The following STAG1 variants were observed in gnomAD, a reference collection of about 807,000 sequenced individuals.
STAG1 encodes STAG1 cohesin complex component, also known as cohesin subunit SA-1.
A neutral mutation model predicts 170.9 loss-of-function variants in STAG1; 26 were observed. The ratio of observed to expected loss-of-function variants is 0.15; its 90% confidence interval spans 0.11 to 0.21. STAG1 has a LOEUF of 0.21. Ranked by LOEUF, STAG1 falls within the 10% of genes least tolerant of loss-of-function variation. The pLI, the probability that STAG1 is intolerant of heterozygous loss-of-function variation, is 1.00. For missense variants in STAG1, 964 were observed against 1,509.5 expected, an observed-to-expected ratio of 0.64 and a Z score of 5.99; for synonymous variants, 514 against 497.7, an observed-to-expected ratio of 1.03 and a Z score of -0.44.
At chr3:136,353,804 C>T (rs529400159) in intron 28 of STAG1, among the ~76,000 whole-genome samples, 1 of 152,262 alleles carries the variant, frequency 6.6e-6, no homozygotes, top group East Asian at 1.9e-4. Context: ...ACAAAGAGTG[C>T]CAGTAAAGGT....
At chr3:136,717,560 A>T (rs1296869157) in intron 1 of STAG1, among the ~76,000 whole-genome samples, 1 of 152,204 alleles carries the variant, frequency 6.6e-6, no homozygotes, top group Non-Finnish European at 1.5e-5. Context: ...GCTACGTGGG[A>T]GGCTGAGGCA....
intron 7 of STAG1, among the ~76,000 whole-genome samples, chr3:136,508,576 T>A (rs1933885492): frequency 6.6e-6 from 1 of 152,188 alleles, no homozygotes; most frequent in Admixed American, 6.5e-5. Context: ...TAGTCTCAGC[T>A]ACTGGGGAGG....
intron 1 of STAG1, among the ~76,000 whole-genome samples, chr3:136,731,629 G>GC (rs1934047268): frequency 6.6e-6 from 1 of 152,224 alleles, no homozygotes; most frequent in Non-Finnish European, 1.5e-5. Context: ...GTCTTCATAT[G>GC]CCCCTCCTTG....
intron 16 of STAG1, among the ~76,000 whole-genome samples, chr3:136,423,587 C>T (rs556638648): frequency 2.0e-5 from 3 of 152,332 alleles, no homozygotes; most frequent in Non-Finnish European, 4.4e-5. Context: ...ATTTAAGCTG[C>T]TAATGCTCAT....
chr3:136,505,653 AG>A (rs1933720808), intron 7 of STAG1, among the ~76,000 whole-genome samples: 1 of 152,256 alleles, frequency 6.6e-6, no homozygotes, highest in Non-Finnish European at 1.5e-5. Flanking sequence ...TAGTTATTAG[AG>A]ATACACAAGT....
At chr3:136,650,210 T>C (rs1328907693) in intron 1 of STAG1, among the ~76,000 whole-genome samples, 1 of 145,968 alleles carries the variant, frequency 6.9e-6, no homozygotes, top group Non-Finnish European at 1.5e-5. Flanking sequence ...TACTCCAGCC[T>C]GGGTGACAAA....
chr3:136,551,832 T>C (rs1216309682), intron 5 of STAG1, among the ~76,000 whole-genome samples: 1 of 152,112 alleles, frequency 6.6e-6, no homozygotes, highest in Non-Finnish European at 1.5e-5. Context: ...TGGGCTCAAC[T>C]GATCCTCCTG....
At chr3:136,683,816 A>G (rs959188251) in intron 1 of STAG1, among the ~76,000 whole-genome samples, 3 of 152,200 alleles carry the variant, frequency 2.0e-5, no homozygotes, top group Non-Finnish European at 2.9e-5. Context: ...GCTGACCAAA[A>G]AACTCTTTGA....
chr3:136,675,828 G>A (rs150260075), intron 1 of STAG1, among the ~76,000 whole-genome samples: 3 of 152,100 alleles, frequency 2.0e-5, no homozygotes, highest in Non-Finnish European at 4.4e-5. Flanking sequence ...TTGCTTGACT[G>A]TATTTCTCTT....
At chr3:136,679,029 A>T (rs1346699118) in intron 1 of STAG1, among the ~76,000 whole-genome samples, 1 of 151,810 alleles carries the variant, frequency 6.6e-6, no homozygotes, top group Non-Finnish European at 1.5e-5. Context: ...CTACAAACAT[A>T]AAAAAGATGT....
At chr3:136,531,758 TGTG>T (rs1553741419) in intron 6 of STAG1, among the ~76,000 whole-genome samples, 1 of 92,528 alleles carries the variant, frequency 1.1e-5, no homozygotes, top group Non-Finnish European at 2.2e-5. Flanking sequence ...TGGGGACTGT[TGTG>T]GGGTGCGGGG....
chr3:136,408,076 A>T (rs1447706662), intron 21 of STAG1, among the ~76,000 whole-genome samples: 1 of 152,164 alleles, frequency 6.6e-6, no homozygotes, highest in African/African-American at 2.4e-5. Context: ...TCTTCTCATC[A>T]TCCTTTATCC....
intron 1 of STAG1, among the ~76,000 whole-genome samples, chr3:136,732,293 A>ATGG (rs1438290568): frequency 9.9e-5 from 15 of 151,656 alleles, no homozygotes; most frequent in Admixed American, 2.6e-4. Context: ...CTGCATCCCA[A>ATGG]TGGGAGGAAA....
At chr3:136,734,108 C>CA (rs11456348) in intron 1 of STAG1, among the ~76,000 whole-genome samples, 15,416 of 99,838 alleles carry the variant, frequency 0.15, 838 homozygotes, top group Non-Finnish European at 0.22. Context: ...GACTCCATCT[C>CA]AAAAAAAAAA....
chr3:136,372,991 G>C (rs993867412), intron 23 of STAG1, among the ~76,000 whole-genome samples: 1 of 151,834 alleles, frequency 6.6e-6, no homozygotes, highest in East Asian at 1.9e-4. Context: ...ACTTTTTTTG[G>C]TTGGTAAGCT....
intron 1 of STAG1, among the ~76,000 whole-genome samples, chr3:136,698,506 A>G (rs926323848): frequency 2.0e-5 from 3 of 152,186 alleles, no homozygotes; most frequent in African/African-American, 7.2e-5. Context: ...ACAGAGGAGC[A>G]TGGATGTGGT....
chr3:136,345,039 T>C (rs140232976), intron 29 of STAG1, among the ~76,000 whole-genome samples: 42 of 152,248 alleles, frequency 2.8e-4, no homozygotes, highest in African/African-American at 7.2e-4. Context: ...AAACTTAAGT[T>C]TTCCAGGGGC....
intron 3 of STAG1, among the ~76,000 whole-genome samples, chr3:136,617,826 T>C (rs999528727): frequency 1.3e-5 from 2 of 152,090 alleles, no homozygotes; most frequent in Admixed American, 6.6e-5. Flanking sequence ...AATAAAAATT[T>C]TGGTATTTAA....
At chr3:136,511,992 CACCTATAAT>C (rs758487646) in intron 7 of STAG1, among the ~76,000 whole-genome samples, 10 of 148,278 alleles carry the variant, frequency 6.7e-5, no homozygotes, top group Non-Finnish European at 1.3e-4. Context: ...GTGGTGGGCA[CACCTATAAT>C]CCTAGCACTT....
Sources: gnomAD v4.1 joint callset for allele counts (sites outside exome capture counted in the v4.1 genomes callset) on GRCh38, gnomAD v4.1.1 for gene constraint, MANE v1.5 for transcripts, NCBI Gene and HGNC (gene_info 2026-07-23, HGNC 2026-07-21) for gene names.